The following ZNF536 variants were observed in gnomAD, a reference collection of about 807,000 sequenced individuals.
ZNF536 encodes the protein zinc finger protein 536.
Under a neutral mutation model 84.5 loss-of-function variants are expected in ZNF536, and 13 were observed. The observed-to-expected ratio is 0.15, with a 90% CI of 0.10 to 0.24. The LOEUF (loss-of-function observed/expected upper bound fraction) is 0.24, where lower values mean the gene tolerates loss of function less well. Among genes scored for constraint, ZNF536 ranks in the 10% least tolerant of loss-of-function variants. The pLI, the probability that ZNF536 is intolerant of heterozygous loss-of-function variation, is 1.00. For missense variants in ZNF536, 1,536 were observed against 1,747.5 expected (o/e 0.88, Z 2.16); for synonymous variants, 811 against 742.5 (o/e 1.09, Z -1.50).
intron 1 of ZNF536, among the ~76,000 whole-genome samples, chr19:30,699,120 AG>A (rs1172469421): frequency 6.6e-6 from 1 of 151,822 alleles, no homozygotes; most frequent in Non-Finnish European, 1.5e-5. Context: ...GTTTTTTTTT[AG>A]TACTTTCTTA....
At chr19:30,431,761 G>A (rs1011087050) in intron 1 of ZNF536, among the ~76,000 whole-genome samples, 4 of 152,142 alleles carry the variant, frequency 2.6e-5, no homozygotes, top group East Asian at 1.9e-4. Context: ...GGGGTCCTGC[G>A]GAGGCCAGGG....
intron 1 of ZNF536, among the ~76,000 whole-genome samples, chr19:30,633,485 T>C (rs2048961400): frequency 6.6e-6 from 1 of 152,202 alleles, no homozygotes; most frequent in South Asian, 2.1e-4. Context: ...ATATTTGCCA[T>C]GTAATGCAAT....
At position 30,700,147 on chromosome 19, in the gene ZNF536, C is replaced by CTTCTTTCCTTCTTTCTT. The variant is rs758190420; in HGVS notation, c.170-10574_170-10558dup. On this transcript the variant is annotated intron_variant, in intron 1 of 1. Coordinates refer to the ZNF536 transcript ENST00000592773. Reference sequence around the variant, plus strand: ...CTGTCTCTTTCTTTCCCTTCCTTCCCTTCTTTCCTTCTTTCTTTTCTTTCC... The same window carrying CTTCTTTCCTTCTTTCTT: ...CTGTCTCTTTCTTTCCCTTCCTTCCCTTCTTTCCTTCTTTCTTTTCTTTCCTTCTTTCTTTTCTTTCC... Among the ~76,000 whole-genome samples the CTTCTTTCCTTCTTTCTT allele has an allele frequency of 1.9e-3, 201 of 103,782 alleles. 1 individual carries two copies. The highest frequency in any genetic ancestry group is 4.9e-3 in the Middle Eastern group (1 of 204). 68.1% of individuals were successfully genotyped at this position (103,782 alleles called of 152,430 possible). A position where few individuals can be genotyped will look rare whatever the true frequency, so the allele number is the denominator to read the frequency against.
At chr19:30,355,573 A>G (rs749804876) in intron 3 of ZNF536, among the ~76,000 whole-genome samples, 3 of 151,492 alleles carry the variant, frequency 2.0e-5, no homozygotes, top group South Asian at 2.1e-4. Flanking sequence ...TTTTTTTTGT[A>G]TAGATGTGGT....
At chr19:30,310,306 A>G (rs1452682884) in intron 2 of ZNF536, among the ~76,000 whole-genome samples, 2 of 152,178 alleles carry the variant, frequency 1.3e-5, no homozygotes, top group African/African-American at 4.8e-5. Flanking sequence ...GTTCTGGTGT[A>G]TTCTTAAACA....
intron 2 of ZNF536, among the ~76,000 whole-genome samples, chr19:30,519,109 C>G (rs2044213907): frequency 1.3e-5 from 2 of 152,222 alleles, no homozygotes; most frequent in African/African-American, 4.8e-5. Flanking sequence ...GCCCCAGGGC[C>G]TGGACTCTGC....
chr19:30,508,457 T>C (rs1414020200), intron 2 of ZNF536, among the ~76,000 whole-genome samples: 1 of 152,156 alleles, frequency 6.6e-6, no homozygotes, highest in African/African-American at 2.4e-5. Flanking sequence ...AAGGACCCCA[T>C]TCTGCTGAAA....
At chr19:30,322,280 G>C (rs1345025961) in intron 2 of ZNF536, among the ~76,000 whole-genome samples, 3 of 152,106 alleles carry the variant, frequency 2.0e-5, no homozygotes, top group Non-Finnish European at 4.4e-5. Flanking sequence ...TTGGCTTTGA[G>C]TTATTTCCAG....
At chr19:30,567,580 C>T (rs566370338) in intron 1 of ZNF536, among the ~76,000 whole-genome samples, 2 of 152,188 alleles carry the variant, frequency 1.3e-5, no homozygotes, top group South Asian at 2.1e-4. Context: ...CCCGAGGAAA[C>T]CTGACCCCCA....
At chr19:30,453,767 C>G (rs889954108) in intron 2 of ZNF536, among the ~76,000 whole-genome samples, 2 of 152,210 alleles carry the variant, frequency 1.3e-5, no homozygotes, top group African/African-American at 4.8e-5. Flanking sequence ...GGGGCCATGC[C>G]GAAAGCAAGG....
At chr19:30,671,594 G>T (rs574608005) in intron 1 of ZNF536, among the ~76,000 whole-genome samples, 133 of 152,260 alleles carry the variant, frequency 8.7e-4, no homozygotes, top group Non-Finnish European at 8.7e-4. Flanking sequence ...TGCTGAGAGG[G>T]CACAGCCTCA....
At chr19:30,261,074 G>A (rs372771497) in intron 1 of ZNF536, among the ~76,000 whole-genome samples, 7 of 151,916 alleles carry the variant, frequency 4.6e-5, no homozygotes, top group East Asian at 1.9e-4. Context: ...CGAGGCGGGC[G>A]GATCACGAGG....
chr19:30,276,079 G>C, intron 1 of ZNF536, among the ~76,000 whole-genome samples: 1 of 151,986 alleles, frequency 6.6e-6, no homozygotes, highest in Non-Finnish European at 1.5e-5. Context: ...ACTTCAAAAG[G>C]ATGGGGAGGA....
intron 1 of ZNF536, among the ~76,000 whole-genome samples, chr19:30,637,008 C>T (rs1477504856): frequency 1.3e-5 from 2 of 152,310 alleles, no homozygotes; most frequent in Non-Finnish European, 2.9e-5. Context: ...GATTCTGTCA[C>T]CTACAGTTTG....
chr19:30,244,120 G>C (rs1224952154), intron 1 of ZNF536, among the ~76,000 whole-genome samples: 2 of 152,144 alleles, frequency 1.3e-5, no homozygotes, highest in African/African-American at 4.8e-5. Context: ...AGTACCGATT[G>C]TCAGTTGATT....
At chr19:30,251,499 C>G (rs751989282) in intron 1 of ZNF536, among the ~76,000 whole-genome samples, 1 of 152,128 alleles carries the variant, frequency 6.6e-6, no homozygotes, top group Non-Finnish European at 1.5e-5. Flanking sequence ...TAAAAACAGC[C>G]TCCTTAATAT....
chr19:30,522,671 T>C (rs1046716591), intron 2 of ZNF536, among the ~76,000 whole-genome samples: 4 of 152,140 alleles, frequency 2.6e-5, no homozygotes, highest in African/African-American at 9.7e-5. Flanking sequence ...AAGCCCTCTT[T>C]CCTGGGATTT....
At chr19:30,393,174 G>C (rs1470218492) in intron 1 of ZNF536, among the ~76,000 whole-genome samples, 2 of 152,072 alleles carry the variant, frequency 1.3e-5, no homozygotes, top group Non-Finnish European at 2.9e-5. Context: ...AACCACTTAG[G>C]CAACTTCATT....
intron 1 of ZNF536, among the ~76,000 whole-genome samples, chr19:30,394,053 G>A (rs1350651660): frequency 1.3e-5 from 2 of 152,068 alleles, no homozygotes; most frequent in Non-Finnish European, 2.9e-5. Context: ...GAGACAGTAG[G>A]GAAGGGCACG....
Sources: gnomAD v4.1 joint callset for allele counts (sites outside exome capture counted in the v4.1 genomes callset) on GRCh38, gnomAD v4.1.1 for gene constraint, MANE v1.5 for transcripts, NCBI Gene and HGNC (gene_info 2026-07-23, HGNC 2026-07-21) for gene names.